The following NCK1 variants were observed in gnomAD, a reference collection of about 807,000 sequenced individuals.
The protein encoded by NCK1 is NCK adaptor protein 1, also known as SH2/SH3 adapter protein NCK1.
Under a neutral mutation model 36.6 loss-of-function variants are expected in NCK1, and 19 were observed. That is an observed-to-expected ratio of 0.52 (90% confidence interval 0.36 to 0.76). The LOEUF is 0.76. Among genes scored for constraint, NCK1 ranks in the 30% least tolerant of loss-of-function variants. The probability of loss-of-function intolerance (pLI) is 0.00; values close to 1 mark genes in which losing one functional copy is unlikely to be tolerated. For synonymous variants in NCK1, 165 were observed against 156.0 expected, an observed-to-expected ratio of 1.06 and a Z score of -0.43; for missense variants, 358 against 445.6, an observed-to-expected ratio of 0.80 and a Z score of 1.77.
intron 2 of NCK1, among the ~76,000 whole-genome samples, chr3:136,943,099 G>C (rs552793462): frequency 6.6e-6 from 1 of 152,190 alleles, no homozygotes; most frequent in East Asian, 1.9e-4. Flanking sequence ...CCACAAAGCA[G>C]CAACTTCTTT....
At position 136,903,970 on chromosome 3, in the gene NCK1, A is replaced by G. The variant is rs1939614776; in HGVS notation, c.-18-24014A>G. ...TTTTTTTGTGTTTTTGTGATGGTAG[A>G]TAGTGTTCTTTTGCTTCTGGATGTA... On this transcript the variant is annotated intron_variant, in intron 1 of 3. Transcript: ENST00000481752. 2.0e-5 allele frequency among the ~76,000 whole-genome samples: 3 copies of G among 151,522 alleles called. No individual in the cohort carries two copies. In the South Asian group the frequency reaches 6.3e-4, roughly 32 times the overall value.
intron 1 of NCK1, among the ~76,000 whole-genome samples, chr3:136,926,328 G>A (rs1940236322): frequency 6.6e-6 from 1 of 151,846 alleles, no homozygotes; most frequent in Non-Finnish European, 1.5e-5. Flanking sequence ...AGGCTGGAGT[G>A]CAGTGGCGCG....
chr3:136,878,093 A>G (rs752966417), intron 1 of NCK1, among the ~76,000 whole-genome samples: 1 of 152,224 alleles, frequency 6.6e-6, no homozygotes, highest in African/African-American at 2.4e-5. Context: ...GATACATGCT[A>G]TAACACAGAT....
intron 1 of NCK1, among the ~76,000 whole-genome samples, chr3:136,911,031 T>G (rs987317763): frequency 3.9e-5 from 6 of 152,208 alleles, no homozygotes; most frequent in Admixed American, 2.0e-4. Context: ...CTGTGCCGGC[T>G]TATTTAATTT....
At chr3:136,915,655 C>T (rs1413292469) in intron 1 of NCK1, among the ~76,000 whole-genome samples, 2 of 151,830 alleles carry the variant, frequency 1.3e-5, no homozygotes, top group Non-Finnish European at 2.9e-5. Context: ...TCACAGTTTC[C>T]TCAGGCTGTA....
intron 1 of NCK1, among the ~76,000 whole-genome samples, chr3:136,922,585 T>C (rs986816186): frequency 3.3e-5 from 5 of 152,152 alleles, no homozygotes; most frequent in African/African-American, 9.7e-5. Context: ...CCCTTAAATA[T>C]GGGAAAAGAA....
chr3:136,865,401 A>T (rs978738808), intron 1 of NCK1, among the ~76,000 whole-genome samples: 21 of 152,158 alleles, frequency 1.4e-4, no homozygotes, highest in Non-Finnish European at 2.8e-4. Context: ...CATTTTTCAA[A>T]AATTTTCTAG....
Position 136,950,790 on chromosome 3 carries a change from G to T in NCK1, c.*2337G>T, listed in dbSNP as rs1940952636. On this transcript the variant is annotated 3_prime_UTR_variant, in exon 4 of 4. Coordinates refer to ENST00000481752, the MANE Select transcript of NCK1 (RefSeq NM_001291999.2). ...ATATTACAGAAGTTTTCTTCCACAT[G>T]AGGAGAATGCTTAGTTTCAAATTTA... Among the ~76,000 whole-genome samples, 3 of 152,148 alleles carry T rather than the reference G, an allele frequency of 2.0e-5. No homozygotes were observed. The highest frequency in any genetic ancestry group is 7.2e-5 in the African/African-American group (3 of 41,446).
At chr3:136,884,482 C>A (rs548420798) in intron 1 of NCK1, among the ~76,000 whole-genome samples, 1 of 152,244 alleles carries the variant, frequency 6.6e-6, no homozygotes, top group South Asian at 2.1e-4. Flanking sequence ...TGCTCTGTGG[C>A]CCAAGCTGGA....
chr3:136,944,731 A>G (rs1940767393), intron 2 of NCK1, among the ~76,000 whole-genome samples: 1 of 152,160 alleles, frequency 6.6e-6, no homozygotes, highest in Non-Finnish European at 1.5e-5. Context: ...GACAAAAGGA[A>G]TTTGAGAAGT....
At chr3:136,923,448 C>T (rs970649325) in intron 1 of NCK1, among the ~76,000 whole-genome samples, 2 of 151,754 alleles carry the variant, frequency 1.3e-5, no homozygotes, top group East Asian at 1.9e-4. Context: ...CCCGGCTACT[C>T]GGAGGCTGAG....
intron 1 of NCK1, among the ~76,000 whole-genome samples, chr3:136,923,163 G>T (rs974534677): frequency 1.3e-5 from 2 of 151,770 alleles, no homozygotes; most frequent in Admixed American, 6.6e-5. Flanking sequence ...TGTTGTGGGG[G>T]TAGATAAAAA....
chr3:136,870,662 C>A (rs1361037914), intron 1 of NCK1, among the ~76,000 whole-genome samples: 1 of 120,714 alleles, frequency 8.3e-6, no homozygotes, highest in South Asian at 2.7e-4. Flanking sequence ...TTTATTTTTT[C>A]TTTTCATTTC....
At chr3:136,880,258 C>T (rs1299481435) in intron 1 of NCK1, among the ~76,000 whole-genome samples, 2 of 150,838 alleles carry the variant, frequency 1.3e-5, no homozygotes, top group Non-Finnish European at 2.9e-5. Flanking sequence ...GCACTCCAGC[C>T]GGGGTGACAG....
At chr3:136,924,493 C>T (rs1273871894) in intron 1 of NCK1, among the ~76,000 whole-genome samples, 1 of 152,078 alleles carries the variant, frequency 6.6e-6, no homozygotes, top group Non-Finnish European at 1.5e-5. Context: ...GTTTGGATCC[C>T]AGTTCACACC....
intron 1 of NCK1, among the ~76,000 whole-genome samples, chr3:136,876,782 A>G (rs1324616905): frequency 6.6e-6 from 1 of 152,148 alleles, no homozygotes; most frequent in Non-Finnish European, 1.5e-5. Flanking sequence ...GAATTTACGA[A>G]TCAGTGTAAC....
intron 2 of NCK1, 73 bp downstream of exon 2, chr3:136,928,300 C>T: frequency 1.4e-6 from 2 of 1,384,488 alleles, no homozygotes; most frequent in South Asian, 1.4e-5. Flanking sequence ...GTACATAATT[C>T]TGGCAGCAGT....
chr3:136,871,551 G>C (rs1324758742), intron 1 of NCK1, among the ~76,000 whole-genome samples: 1 of 152,104 alleles, frequency 6.6e-6, no homozygotes, highest in Non-Finnish European at 1.5e-5. Context: ...GTTCGAAAAG[G>C]CTCTCTTGCG....
chr3:136,942,000 G>A (rs1312237955), intron 2 of NCK1, among the ~76,000 whole-genome samples: 4 of 151,950 alleles, frequency 2.6e-5, no homozygotes, highest in Non-Finnish European at 4.4e-5. Context: ...CACCACGCCC[G>A]GCTAATTTTT....
Sources: allele counts gnomAD v4.1 joint callset (sites outside exome capture counted in the v4.1 genomes callset), GRCh38; gene constraint gnomAD v4.1.1; transcripts MANE v1.5; gene names NCBI Gene and HGNC (gene_info 2026-07-23, HGNC 2026-07-21).